Variants in RABL6 observed in about 807,000 individuals in gnomAD.
RABL6 encodes the protein rab-like protein 6.
RABL6 carries 28 observed loss-of-function variants against 72.9 expected under a neutral mutation model. That is an observed-to-expected ratio of 0.38 (90% CI 0.28 to 0.53). The LOEUF (loss-of-function observed/expected upper bound fraction) is 0.53. Ranked by LOEUF, RABL6 falls within the 20% of genes least tolerant of loss-of-function variation. The pLI, the probability that RABL6 is intolerant of heterozygous loss-of-function variation, is 0.80. For missense variants in RABL6, 1,029 were observed against 1,008.4 expected, an observed-to-expected ratio of 1.02 and a Z score of -0.28; for synonymous variants, 477 against 421.2, an observed-to-expected ratio of 1.13 and a Z score of -1.62.
At chr9:136,809,991 G>C (rs1186524023) in intron 1 of RABL6, 1 of 152,272 alleles carries the variant, frequency 6.6e-6, no homozygotes, top group Non-Finnish European at 1.5e-5. Context: ...TGTCTGGTAA[G>C]GAAAATAAAG....
At chr9:136,809,587 C>A in intron 1 of RABL6, 1 of 160,746 alleles carries the variant, frequency 6.2e-6, no homozygotes, top group Non-Finnish European at 1.4e-5. Context: ...CCAGCCTGGC[C>A]AACATAGTGA....
chr9:136,823,045 A>G (rs1357248020), intron 1 of RABL6, among the ~76,000 whole-genome samples: 2 of 147,960 alleles, frequency 1.4e-5, no homozygotes, highest in Non-Finnish European at 3.0e-5. Context: ...CCGAGATAGC[A>G]CCACTGCAGT....
intron 1 of RABL6, among the ~76,000 whole-genome samples, chr9:136,820,384 T>G (rs555296299): frequency 5.9e-5 from 9 of 151,692 alleles, no homozygotes; most frequent in Middle Eastern, 3.4e-3. Context: ...AATTTTGTTG[T>G]TTTTTTTGAG....
chr9:136,837,250 C>A (rs1220420525), intron 8 of RABL6, 96 bp from the exon 9 acceptor site: 3 of 1,382,470 alleles, frequency 2.2e-6, no homozygotes, highest in South Asian at 1.2e-5. Context: ...GTGGCTCTTC[C>A]CAGCCCCAGC....
chr9:136,838,972 A>C lies in RABL6; in HGVS notation c.1344A>C (p.Glu448Asp). 1 of 1,611,508 alleles carries C rather than the reference A, an allele frequency of 6.2e-7. No homozygotes were observed. The highest frequency in any genetic ancestry group is 8.5e-7 in the Non-Finnish European group (1 of 1,179,404). Residue 448 changes from glutamate (E) to aspartate (D), a missense_variant, in exon 11 of 15, where the codon GAA becomes GAC. Around this residue, in one of 2 missense-constraint regions of RABL6, gnomAD observed 595 missense variants for 472.4 expected, o/e 1.26. Transcript: ENST00000311502. ...VAGFQDDVDL[E>D]DQPRGSPPLP... is the part of the protein sequence containing the mutation. The stretch of plus-strand genomic sequence containing the variant: ...GGTTCCAGGACGATGTGGACCTCGA[A>C]GACCAGCCACGTGGGAGTCCCCCGC...
Position 136,834,355 on chromosome 9 carries a change from A to G in RABL6, c.706-1387A>G, listed in dbSNP as rs531166731. On this transcript the variant is annotated intron_variant, in intron 7 of 14. Transcript: ENST00000311502. ...CCCAAAGAGTTCTTCCAGTCGTCAG[A>G]TATTTGGTCAGTATTCAGAGTAGGA... The G allele has an allele frequency of 2.5e-5, 25 of 997,866 alleles. No homozygotes were observed. In the South Asian group the frequency reaches 1.1e-3, roughly 44 times the overall value. The allele number at this position is 997,866 out of a possible 1,614,324, so 61.8% of individuals were successfully genotyped here.
Position 136,826,638 on chromosome 9 carries a change from T to C in RABL6, c.313+812T>C, listed in dbSNP as rs1340593313. On this transcript the variant is annotated intron_variant, in intron 3 of 14. Coordinates refer to ENST00000311502, the MANE Select transcript of RABL6 (RefSeq NM_024718.5). This position sits in a 1 kb window ranked among gnomAD's most constrained non-coding sequence, Gnocchi z 4.9. ...TGGGCCCCTGCGGCTCCCACCACAT[T>C]GCGCTGGACTCTTGTGGCCCGTGCT... 2.0e-5 allele frequency: 3 copies of C among 152,204 alleles called. No individual in the cohort carries two copies. Among genetic ancestry groups the C allele is most frequent in the African/African-American group, 7.2e-5 (3 of 41,382 alleles). The allele number at this position is 152,204 out of a possible 1,614,324, so 9.4% of individuals were successfully genotyped here. A position where few individuals can be genotyped will look rare whatever the true frequency, so the allele number is the denominator to read the frequency against.
In RABL6 at chr9:136,840,224, T is replaced by C; in HGVS notation, c.1989+12T>C. 1.2e-6 allele frequency: 2 copies of C among 1,612,662 alleles called. No homozygotes were observed. The highest frequency in any genetic ancestry group is 8.5e-7 in the Non-Finnish European group (1 of 1,179,774). On this transcript the variant is annotated intron_variant, in intron 14 of 14. Transcript: ENST00000311502. ...AAAAAGGCAAAGAGGTACTGGCTAC[T>C]CCCCTTCCTGGCAGGCCAGGACTGG... is the stretch of plus-strand genomic sequence containing the variant.
Position 136,835,863 on chromosome 9 carries a change from C to T in RABL6, c.809+18C>T. On this transcript the variant is annotated intron_variant, in intron 8 of 14. Coordinates refer to ENST00000311502, the MANE Select transcript of RABL6 (RefSeq NM_024718.5). ...TACGGCATGTATGTGGCCGGACCCGCCCGTGCGGGCGGTGTGGGGGCTGCG... is the reference window on the plus strand; with the variant it reads ...TACGGCATGTATGTGGCCGGACCCGTCCGTGCGGGCGGTGTGGGGGCTGCG... 4 of 1,548,176 alleles carry T rather than the reference C, an allele frequency of 2.6e-6. No homozygotes were observed. The highest frequency in any genetic ancestry group is 3.5e-6 in the Non-Finnish European group (4 of 1,146,340).
chr9:136,838,727 G>A (rs1453975941), intron 10 of RABL6, among the ~76,000 whole-genome samples, 182 bp from the exon 11 acceptor site: 4 of 147,448 alleles, frequency 2.7e-5, no homozygotes, highest in South Asian at 4.3e-4. Context: ...TTGTGCCCCC[G>A]ACCCCTTCCT....
rs1443425136 is a variant in RABL6 at position 136,840,171 on chromosome 9, C to T, written c.1948C>T (p.Pro650Ser). The change falls in exon 14 of 15, where the codon CCC (proline) becomes TCC (serine). Residue 650 changes from proline (P) to serine (S), a missense_variant. Around this residue, in one of 2 missense-constraint regions of RABL6, gnomAD observed 595 missense variants for 472.4 expected, o/e 1.26. Transcript: ENST00000311502. ...SSEEGKEGKTPSKEKKKKKKK... is the reference protein window; with the variant it reads ...SSEEGKEGKTSSKEKKKKKKK... The stretch of plus-strand genomic sequence containing the variant: ...CTGTGCAGGTAAGGAGGGCAAAACC[C>T]CCTCTAAGGAGAAGAAGAAGAAGAA... 1 of 1,612,746 alleles carries T rather than the reference C, an allele frequency of 6.2e-7. No individual in the cohort carries two copies. Among genetic ancestry groups the T allele is most frequent in the South Asian group, 1.1e-5 (1 of 91,066 alleles).
rs1187891031 is a variant in RABL6, at chr9:136,823,554, A to G, written c.160A>G (p.Thr54Ala). The change falls in exon 2 of 15, where the codon ACG becomes GCG. Residue 54 changes from threonine (T) to alanine (A), a missense_variant. Thr to Ala is a moderately conservative substitution (Grantham distance 58, BLOSUM62 0). This residue lies in a region of RABL6 where 434 missense variants were observed against 536.1 expected (regional missense o/e 0.81). Transcript: ENST00000311502. ...GATAGTGATCCGGGGAGACAGGAAC[A>G]CGGGCAAGACAGCGCTGTGGCACCG... ...MKIVIRGDRN[T>A]GKTALWHRLQ... The G allele has an allele frequency of 1.9e-6, 3 of 1,613,710 alleles. No individual in the cohort carries two copies. The highest frequency in any genetic ancestry group is 3.3e-5 in the Admixed American group (2 of 60,000).
intron 1 of RABL6, among the ~76,000 whole-genome samples, chr9:136,822,980 C>T (rs907385800): frequency 6.6e-6 from 1 of 151,236 alleles, no homozygotes; most frequent in Non-Finnish European, 1.5e-5. Flanking sequence ...CCCAGCTACT[C>T]GGGAGGCTGA....
At chr9:136,822,562 C>G (rs1848261066) in intron 1 of RABL6, among the ~76,000 whole-genome samples, 1 of 152,150 alleles carries the variant, frequency 6.6e-6, no homozygotes, top group Non-Finnish European at 1.5e-5. Flanking sequence ...GTTCTTAGTC[C>G]AGTCGGGTGC....
intron 1 of RABL6, among the ~76,000 whole-genome samples, chr9:136,817,740 G>A (rs1848150255): frequency 6.6e-6 from 1 of 152,178 alleles, no homozygotes; most frequent in Non-Finnish European, 1.5e-5. Context: ...GAGAGGTGGA[G>A]TTGAGCTCGA....
At chr9:136,834,564 T>C (rs542856208) in intron 7 of RABL6, 670 of 769,850 alleles carry the variant, frequency 8.7e-4, no homozygotes, top group Non-Finnish European at 9.7e-4. Context: ...CTGTAACCTC[T>C]GCCTCCTGGG....
intron 1 of RABL6, among the ~76,000 whole-genome samples, chr9:136,811,272 A>G (rs1363497095): frequency 6.6e-6 from 1 of 152,178 alleles, no homozygotes; most frequent in Non-Finnish European, 1.5e-5. Context: ...TTGGTCCACA[A>G]AGGCGGGACA....
intron 1 of RABL6, among the ~76,000 whole-genome samples, chr9:136,817,669 G>A (rs537942678): frequency 3.3e-5 from 5 of 152,250 alleles, no homozygotes; most frequent in South Asian, 2.1e-4. Context: ...CACTTCTGCC[G>A]AAGCTTGAGG....
At chr9:136,835,623 C>G in intron 7 of RABL6, 119 bp from the exon 8 acceptor site, 2 of 846,720 alleles carry the variant, frequency 2.4e-6, no homozygotes, top group Non-Finnish European at 3.7e-6. Context: ...GCAGCCAGCC[C>G]TGCAGCATCT....
Sources: gnomAD v4.1 joint callset for allele counts (sites outside exome capture counted in the v4.1 genomes callset) on GRCh38, gnomAD v4.1.1 for gene constraint, gnomAD v4.1.1 regional missense constraint, Gnocchi (gnomAD v3.1) non-coding constraint, MANE v1.5 for transcripts, NCBI Gene and HGNC (gene_info 2026-07-23, HGNC 2026-07-21) for gene names.